TMEM132B: variants seen among roughly 807,000 people sequenced by gnomAD.
TMEM132B encodes transmembrane protein 132B.
TMEM132B carries 18 observed loss-of-function variants against 90.8 expected under a neutral mutation model. The ratio of observed to expected loss-of-function variants is 0.20; its 90% CI spans 0.14 to 0.29. TMEM132B has a LOEUF of 0.29. TMEM132B is among the 10% of genes least tolerant of loss of function. The pLI, the probability that TMEM132B is intolerant of heterozygous loss-of-function variation, is 1.00. For synonymous variants in TMEM132B, 504 were observed against 523.3 expected (o/e 0.96, Z 0.50); for missense variants, 1,096 against 1,326.8 (o/e 0.83, Z 2.70).
At chr12:125,461,564 A>G (rs1593158313) in intron 3 of TMEM132B, among the ~76,000 whole-genome samples, 3 of 152,256 alleles carry the variant, frequency 2.0e-5, no homozygotes, top group South Asian at 4.1e-4. Context: ...GAAGTCAGAC[A>G]TCTGGATTTG....
At chr12:125,226,403 T>C (rs1011149874) in intron 1 of TMEM132B, among the ~76,000 whole-genome samples, 3 of 152,236 alleles carry the variant, frequency 2.0e-5, no homozygotes, top group Non-Finnish European at 2.9e-5. Context: ...TTGAGCAGTG[T>C]CTTAAGCTCT....
intron 4 of TMEM132B, among the ~76,000 whole-genome samples, chr12:125,579,685 TA>T (rs1380964758): frequency 6.6e-6 from 1 of 152,164 alleles, no homozygotes; most frequent in Non-Finnish European, 1.5e-5. Context: ...TTTAGTACTT[TA>T]GATGTGATTT....
In TMEM132B at chr12:125,583,785, C is replaced by A. The variant is rs555127222; in HGVS notation, c.1294-66C>A. On this transcript the variant is annotated intron_variant, in intron 4 of 8. Transcript: ENST00000682704. ...AAGGCAGTAGGGAGCTTGGTGGACA[C>A]CCCTCTCCTGCTCGCCCCTGTGGTA... 3.2e-6 allele frequency: 5 copies of A among 1,578,776 alleles called. No individual in the cohort carries two copies. In the Admixed American group the frequency reaches 5.1e-5, roughly 16 times the overall value.
chr12:125,283,918 T>A (rs1361570095), intron 1 of TMEM132B, among the ~76,000 whole-genome samples: 5 of 152,148 alleles, frequency 3.3e-5, no homozygotes, highest in Non-Finnish European at 7.3e-5. Flanking sequence ...GGAATCGAGG[T>A]CCAGGAAGGG....
At chr12:125,274,976 A>G (rs1052331673) in intron 1 of TMEM132B, among the ~76,000 whole-genome samples, 2 of 152,232 alleles carry the variant, frequency 1.3e-5, no homozygotes, top group Non-Finnish European at 2.9e-5. Context: ...GCAAAATAAC[A>G]AAATTACAAT....
intron 1 of TMEM132B, among the ~76,000 whole-genome samples, chr12:125,263,034 G>C (rs1304329286): frequency 2.0e-5 from 3 of 152,188 alleles, no homozygotes; most frequent in African/African-American, 4.8e-5. Context: ...CTCACAGCAG[G>C]GGAAGCTTTT....
At chr12:125,240,327 C>G (rs1445275147) in intron 1 of TMEM132B, among the ~76,000 whole-genome samples, 1 of 152,060 alleles carries the variant, frequency 6.6e-6, no homozygotes, top group African/African-American at 2.4e-5. Flanking sequence ...GTAGAACAGC[C>G]CTCACAGAAG....
At chr12:125,216,590 C>T (rs1444213335) in intron 1 of TMEM132B, among the ~76,000 whole-genome samples, 2 of 152,162 alleles carry the variant, frequency 1.3e-5, no homozygotes, top group Admixed American at 1.3e-4. Flanking sequence ...CCTGGCATTG[C>T]CCTTGGAATT....
At chr12:125,305,549 G>T (rs922518874) in intron 1 of TMEM132B, among the ~76,000 whole-genome samples, 1 of 152,090 alleles carries the variant, frequency 6.6e-6, no homozygotes, top group Non-Finnish European at 1.5e-5. Context: ...TCTTTATTAG[G>T]TTTTCCTAAG....
intron 1 of TMEM132B, among the ~76,000 whole-genome samples, chr12:125,330,119 G>T (rs902086163): frequency 1.4e-4 from 21 of 152,156 alleles, no homozygotes; most frequent in African/African-American, 5.1e-4. Flanking sequence ...GTGTGGTGTG[G>T]GTGCGTCCCC....
At chr12:125,307,875 ACT>A (rs1876030037) in intron 1 of TMEM132B, among the ~76,000 whole-genome samples, 1 of 95,066 alleles carries the variant, frequency 1.1e-5, no homozygotes, top group Admixed American at 1.1e-4. Context: ...TACTTATATT[ACT>A]TATATACTTA....
chr12:125,385,514 C>T (rs1372084325), intron 2 of TMEM132B, among the ~76,000 whole-genome samples: 3 of 152,090 alleles, frequency 2.0e-5, no homozygotes, highest in Non-Finnish European at 4.4e-5. Context: ...CCAGAGGGAG[C>T]CTTTTTAGTG....
intron 1 of TMEM132B, among the ~76,000 whole-genome samples, chr12:125,279,099 C>T (rs565062583): frequency 1.5e-4 from 23 of 152,200 alleles, no homozygotes; most frequent in Non-Finnish European, 2.8e-4. Flanking sequence ...TTTAACCATA[C>T]CTTTGCCATC....
intron 5 of TMEM132B, chr12:125,584,329 A>G (rs1885127812): frequency 3.8e-6 from 1 of 262,862 alleles, no homozygotes; most frequent in Non-Finnish European, 7.4e-6. Flanking sequence ...AGCAATCCAA[A>G]TAAGACCTTC....
chr12:125,644,295 G>C lies in TMEM132B; in HGVS notation c.1643+14G>C. ...TGCCAACAGAAGGTGAGGAATCAAA[G>C]AGAAGGCTGTGGATCCGATTGTCCT... On this transcript the variant is annotated intron_variant, in intron 6 of 8. Transcript: ENST00000682704. The C allele has an allele frequency of 6.2e-7, 1 of 1,613,636 alleles. No individual in the cohort carries two copies. Among genetic ancestry groups the C allele is most frequent in the Non-Finnish European group, 8.5e-7 (1 of 1,179,804 alleles).
intron 2 of TMEM132B, among the ~76,000 whole-genome samples, chr12:125,391,125 T>A (rs537690427): frequency 1.3e-5 from 2 of 152,046 alleles, no homozygotes; most frequent in African/African-American, 4.8e-5. Flanking sequence ...GTTAGGAGAT[T>A]GTGTTCCTGG....
At chr12:125,240,111 T>C (rs1404437685) in intron 1 of TMEM132B, among the ~76,000 whole-genome samples, 1 of 152,184 alleles carries the variant, frequency 6.6e-6, no homozygotes, top group African/African-American at 2.4e-5. Flanking sequence ...GTAGAGCTCA[T>C]TCCTTCCACC....
intron 5 of TMEM132B, among the ~76,000 whole-genome samples, chr12:125,617,965 A>C (rs2136962261): frequency 6.6e-6 from 1 of 152,020 alleles, no homozygotes; most frequent in East Asian, 1.9e-4. Context: ...AAAAAAAAAA[A>C]AACTCCATTA....
chr12:125,485,894 T>C (rs1882187931), intron 3 of TMEM132B, among the ~76,000 whole-genome samples: 1 of 152,204 alleles, frequency 6.6e-6, no homozygotes, highest in Admixed American at 6.5e-5. Flanking sequence ...TCCACCTCGA[T>C]GTCTTTTTCT....
Sources: allele counts gnomAD v4.1 joint callset (sites outside exome capture counted in the v4.1 genomes callset), GRCh38; gene constraint gnomAD v4.1.1; transcripts MANE v1.5; gene names NCBI Gene and HGNC (gene_info 2026-07-23, HGNC 2026-07-21).